SMYD3: variants seen among roughly 807,000 people sequenced by gnomAD.
The protein encoded by SMYD3 is SET and MYND domain containing 3.
SMYD3 carries 36 observed loss-of-function variants against 57.7 expected under a neutral mutation model. The ratio of observed to expected loss-of-function variants is 0.62; its 90% CI spans 0.48 to 0.82. The LOEUF is 0.82. Ranked by LOEUF, SMYD3 falls within the 40% of genes least tolerant of loss-of-function variation. SMYD3 has a pLI of 0.00. For synonymous variants in SMYD3, 211 were observed against 195.0 expected (o/e 1.08, Z -0.68); for missense variants, 515 against 538.8 (o/e 0.96, Z 0.44).
intron 10 of SMYD3, among the ~76,000 whole-genome samples, chr1:245,824,336 C>A (rs1479872750): frequency 6.6e-6 from 1 of 152,240 alleles, no homozygotes; most frequent in African/African-American, 2.4e-5. Flanking sequence ...TAGCTGTATA[C>A]ATGAATGGAT....
chr1:245,785,764 C>T (rs1178506294), intron 10 of SMYD3, among the ~76,000 whole-genome samples: 1 of 152,160 alleles, frequency 6.6e-6, no homozygotes, highest in African/African-American at 2.4e-5. Flanking sequence ...AGTGCTGTGA[C>T]TATAGCTCCC....
At chr1:245,900,256 T>TA (rs35358074) in intron 8 of SMYD3, among the ~76,000 whole-genome samples, 3 of 152,196 alleles carry the variant, frequency 2.0e-5, no homozygotes, top group Non-Finnish European at 4.4e-5. Flanking sequence ...GCATAAAGGC[T>TA]AAAAAGCTAA....
At chr1:246,075,066 A>G (rs1265504043) in intron 5 of SMYD3, among the ~76,000 whole-genome samples, 1 of 152,160 alleles carries the variant, frequency 6.6e-6, no homozygotes, top group Non-Finnish European at 1.5e-5. Flanking sequence ...TTCTCAAGAA[A>G]AAAAAATTCA....
chr1:246,250,306 T>C (rs965832218), intron 5 of SMYD3, among the ~76,000 whole-genome samples: 2 of 152,200 alleles, frequency 1.3e-5, no homozygotes. Context: ...AATAGCTACC[T>C]GAAGAAAACA....
intron 8 of SMYD3, among the ~76,000 whole-genome samples, chr1:245,888,816 GCATGTGTTCTACATCAAC>G (rs1378016808): frequency 2.0e-5 from 3 of 152,196 alleles, no homozygotes; most frequent in Non-Finnish European, 2.9e-5. Flanking sequence ...GTGAAGAAAT[GCATGTGTTCTACATCAAC>G]CATGTCTACC....
intron 5 of SMYD3, among the ~76,000 whole-genome samples, chr1:246,004,467 A>T (rs910657711): frequency 6.6e-6 from 1 of 152,152 alleles, no homozygotes; most frequent in Non-Finnish European, 1.5e-5. Context: ...AAAGGGCCAT[A>T]AAAGTTGTCC....
chr1:245,851,066 C>T (rs1420353444), intron 10 of SMYD3, among the ~76,000 whole-genome samples: 3 of 152,164 alleles, frequency 2.0e-5, no homozygotes, highest in Admixed American at 6.5e-5. Flanking sequence ...GAAAATCAAT[C>T]GGGGACCTCC....
At position 246,044,743 on chromosome 1, in the gene SMYD3, G is replaced by C. The variant is rs530212861; in HGVS notation, c.532-114806C>G. 7.2e-5 allele frequency among the ~76,000 whole-genome samples: 11 copies of C among 152,242 alleles called. No individual in the cohort carries two copies. The East Asian group carries it at 2.1e-3, about 29-fold the overall frequency. ...TGTTAAAAATACTTAAATAGGAAAG[G>C]TAAAAATTACTTAAACATGATAAGA... On this transcript the variant is annotated intron_variant, in intron 5 of 11. Coordinates refer to ENST00000490107, the MANE Select transcript of SMYD3 (RefSeq NM_001167740.2).
In SMYD3 at chr1:246,507,093, T is replaced by C. The variant is rs2068556220; in HGVS notation, c.125A>G (p.Lys42Arg). ...RSDPLAYTVCKGSRGVVCDRC... is the reference protein window; with the variant it reads ...RSDPLAYTVCRGSRGVVCDRC... ...GTCGCAGACGACGCCACGACTCCCC[T>C]TGCACACCGTGTACGCCAAGGGATC... Residue 42 changes from lysine (K) to arginine (R), a missense_variant, in exon 1 of 12, where the codon AAG becomes AGG. By Grantham distance (26) the Lys-to-Arg change is conservative. Coordinates refer to ENST00000490107, the MANE Select transcript of SMYD3 (RefSeq NM_001167740.2). The C allele has an allele frequency of 7.9e-6, 12 of 1,523,514 alleles. No individual in the cohort carries two copies. The highest frequency in any genetic ancestry group is 1.4e-5 in the African/African-American group (1 of 69,030). The allele number at this position is 1,523,514 out of a possible 1,614,324, so 94.4% of individuals were successfully genotyped here.
chr1:246,000,174 G>A (rs1339095296), intron 5 of SMYD3, among the ~76,000 whole-genome samples: 2 of 152,166 alleles, frequency 1.3e-5, no homozygotes. Context: ...TTTCAATGGA[G>A]GCATTGTGAC....
chr1:246,201,481 T>A (rs1484732792), intron 5 of SMYD3, among the ~76,000 whole-genome samples: 1 of 152,226 alleles, frequency 6.6e-6, no homozygotes, highest in African/African-American at 2.4e-5. Flanking sequence ...GCATTTTATA[T>A]GAAATATTTA....
chr1:246,059,641 C>T (rs6693092), intron 5 of SMYD3, among the ~76,000 whole-genome samples: 37,249 of 151,776 alleles, frequency 0.25, 5,093 homozygotes, highest in East Asian at 0.39. Flanking sequence ...GAAAAAAAAC[C>T]ATTCCTTTCC....
intron 5 of SMYD3, among the ~76,000 whole-genome samples, chr1:246,044,580 G>A (rs1334003377): frequency 1.3e-5 from 2 of 152,060 alleles, no homozygotes; most frequent in East Asian, 3.9e-4. Flanking sequence ...TGGTCACTGA[G>A]GAAAAAAATG....
intron 5 of SMYD3, chr1:246,108,685 C>T (rs927704231): frequency 2.0e-5 from 3 of 152,210 alleles, no homozygotes; most frequent in Non-Finnish European, 4.4e-5. Context: ...TTCTTGAAAA[C>T]CTCCTGTAGT....
intron 8 of SMYD3, among the ~76,000 whole-genome samples, chr1:245,893,505 G>A (rs1477175387): frequency 6.7e-3 from 7 of 1,042 alleles, no homozygotes; most frequent in Non-Finnish European, 0.035. Context: ...GCCATGTAAT[G>A]GAATACTACT....
chr1:246,277,866 G>T, intron 5 of SMYD3, among the ~76,000 whole-genome samples: 1 of 152,194 alleles, frequency 6.6e-6, no homozygotes, highest in South Asian at 2.1e-4. Context: ...GCAGCCAGAC[G>T]TGTAGGAGGA....
intron 2 of SMYD3, among the ~76,000 whole-genome samples, chr1:246,350,227 T>C (rs569437709): frequency 1.3e-5 from 2 of 152,298 alleles, no homozygotes; most frequent in South Asian, 4.1e-4. Flanking sequence ...AATCATATAA[T>C]CATGGGCATT....
At chr1:246,491,192 C>T (rs936069688) in intron 1 of SMYD3, among the ~76,000 whole-genome samples, 7 of 152,290 alleles carry the variant, frequency 4.6e-5, no homozygotes, top group Admixed American at 1.3e-4. Flanking sequence ...GGAAATAAAG[C>T]TGGCCAGAGT....
intron 5 of SMYD3, among the ~76,000 whole-genome samples, chr1:246,253,180 T>C (rs1459353184): frequency 6.6e-6 from 1 of 152,128 alleles, no homozygotes; most frequent in African/African-American, 2.4e-5. Flanking sequence ...CCAGGGTATA[T>C]TACATGATGC....
Sources: gnomAD v4.1 joint callset for allele counts (sites outside exome capture counted in the v4.1 genomes callset) on GRCh38, gnomAD v4.1.1 for gene constraint, MANE v1.5 for transcripts, NCBI Gene and HGNC (gene_info 2026-07-23, HGNC 2026-07-21) for gene names.